The following IMMP2L variants were observed in gnomAD, a reference collection of about 807,000 sequenced individuals.
IMMP2L encodes inner mitochondrial membrane peptidase subunit 2.
Under a neutral mutation model 19.3 loss-of-function variants are expected in IMMP2L, and 18 were observed. The observed-to-expected ratio is 0.93, with a 90% CI of 0.64 to 1.38. The LOEUF is 1.38. Among genes scored for constraint, IMMP2L ranks in the 40% most tolerant of loss-of-function variants. The pLI, the probability that IMMP2L is intolerant of heterozygous loss-of-function variation, is 0.00. For synonymous variants in IMMP2L, 76 were observed against 73.0 expected (o/e 1.04, Z -0.21); for missense variants, 233 against 218.2 (o/e 1.07, Z -0.43).
At chr7:111,285,694 G>A (rs535165566) in intron 3 of IMMP2L, among the ~76,000 whole-genome samples, 58 of 152,242 alleles carry the variant, frequency 3.8e-4, no homozygotes, top group African/African-American at 1.3e-3. Flanking sequence ...GACTTCCACA[G>A]CATATGATAG....
intron 3 of IMMP2L, among the ~76,000 whole-genome samples, chr7:111,006,677 T>C (rs1824322750): frequency 6.6e-6 from 1 of 152,152 alleles, no homozygotes; most frequent in Admixed American, 6.6e-5. Context: ...GATCTCAGTA[T>C]CTGATTGTTT....
intron 5 of IMMP2L, among the ~76,000 whole-genome samples, chr7:110,883,531 A>C (rs942448945): frequency 2.0e-5 from 3 of 152,176 alleles, no homozygotes; most frequent in African/African-American, 4.8e-5. Flanking sequence ...GAGGCACTCT[A>C]TCATAAATAG....
chr7:111,442,042 C>G lies in IMMP2L; in HGVS notation c.239+45196G>C, dbSNP rs540108015. Reference sequence around the variant, plus strand: ...ATCCCAGCTTCTCAGGAGGCTGAGGCAAGAGAATCGCTTGAACCCAGGAAG... The same window carrying G: ...ATCCCAGCTTCTCAGGAGGCTGAGGGAAGAGAATCGCTTGAACCCAGGAAG... On this transcript the variant is annotated intron_variant, in intron 3 of 5. Transcript: ENST00000405709. Among the ~76,000 whole-genome samples, 36 of 151,684 alleles carry G rather than the reference C, an allele frequency of 2.4e-4. 3 individuals carry two copies. Among genetic ancestry groups the G allele is most frequent in the African/African-American group, 8.5e-4 (35 of 41,122 alleles).
At chr7:111,164,019 A>G (rs1805549715) in intron 3 of IMMP2L, among the ~76,000 whole-genome samples, 2 of 151,950 alleles carry the variant, frequency 1.3e-5, no homozygotes, top group South Asian at 4.2e-4. Context: ...AGCAGAACAT[A>G]ACATTTAGAG....
intron 5 of IMMP2L, chr7:110,724,437 G>C (rs541199322): frequency 2.6e-5 from 4 of 152,216 alleles, no homozygotes; most frequent in Non-Finnish European, 4.4e-5. Flanking sequence ...CTCCTATCAA[G>C]AAATTTTACT....
intron 3 of IMMP2L, among the ~76,000 whole-genome samples, chr7:111,187,590 T>C (rs1808410663): frequency 6.6e-6 from 1 of 152,142 alleles, no homozygotes; most frequent in African/African-American, 2.4e-5. Flanking sequence ...ACAAAGTATG[T>C]TCTTATTAAA....
At chr7:111,006,656 G>C (rs189754909) in intron 3 of IMMP2L, among the ~76,000 whole-genome samples, 1 of 152,112 alleles carries the variant, frequency 6.6e-6, no homozygotes, top group Non-Finnish European at 1.5e-5. Flanking sequence ...GCTGTTGCCA[G>C]TTGCTTCTAG....
At chr7:110,899,928 C>T (rs1267743894) in intron 4 of IMMP2L, among the ~76,000 whole-genome samples, 3 of 152,138 alleles carry the variant, frequency 2.0e-5, no homozygotes, top group Non-Finnish European at 4.4e-5. Flanking sequence ...AATTGGAGAA[C>T]AAAGTTCTCA....
At chr7:110,947,897 C>A (rs758006450) in intron 4 of IMMP2L, among the ~76,000 whole-genome samples, 2 of 152,124 alleles carry the variant, frequency 1.3e-5, no homozygotes, top group African/African-American at 2.4e-5. Context: ...AGTAGAAAAT[C>A]TCTTTGATTC....
intron 3 of IMMP2L, among the ~76,000 whole-genome samples, chr7:111,101,496 A>C (rs1236623743): frequency 6.6e-6 from 1 of 151,500 alleles, no homozygotes; most frequent in African/African-American, 2.4e-5. Flanking sequence ...GTTAAGATTC[A>C]AGTCTTTTTC....
intron 5 of IMMP2L, among the ~76,000 whole-genome samples, chr7:110,714,368 T>C (rs570888256): frequency 6.6e-6 from 1 of 152,322 alleles, no homozygotes; most frequent in Admixed American, 6.5e-5. Flanking sequence ...TAGATAAGCA[T>C]AGGCAATGAG....
intron 2 of IMMP2L, among the ~76,000 whole-genome samples, chr7:111,520,651 C>A (rs1355668777): frequency 2.0e-5 from 3 of 152,046 alleles, no homozygotes; most frequent in Non-Finnish European, 2.9e-5. Context: ...ATTGATAATA[C>A]AGGAAACCAA....
At chr7:110,886,844 T>C in intron 4 of IMMP2L, 149 bp from the exon 5 acceptor site, 1 of 500,990 alleles carries the variant, frequency 2.0e-6, no homozygotes. Flanking sequence ...TTAAGGAAGA[T>C]GTGGTTAGAG....
chr7:111,534,232 T>C (rs1014384537), intron 1 of IMMP2L, among the ~76,000 whole-genome samples: 19 of 152,118 alleles, frequency 1.2e-4, no homozygotes, highest in African/African-American at 4.6e-4. Flanking sequence ...AACATACCAT[T>C]TTTATTGCAG....
chr7:111,546,785 G>T (rs971799516), intron 1 of IMMP2L, among the ~76,000 whole-genome samples: 7 of 152,056 alleles, frequency 4.6e-5, no homozygotes, highest in African/African-American at 1.7e-4. Flanking sequence ...TTACAAATAA[G>T]TAAATCCAGT....
chr7:111,183,993 C>T lies in IMMP2L; in HGVS notation c.240-220428G>A, dbSNP rs11981588. 1.8e-3 allele frequency among the ~76,000 whole-genome samples: 279 copies of T among 152,050 alleles called. 4 individuals carry two copies. Among genetic ancestry groups the T allele is most frequent in the Non-Finnish European group, 2.1e-3 (143 of 67,990 alleles). Reference sequence around the variant, plus strand: ...CATTTATAAAATGGAAATAATAACACCTAGTTTGCACTGTCGTCACAATAA... The same window carrying T: ...CATTTATAAAATGGAAATAATAACATCTAGTTTGCACTGTCGTCACAATAA... On this transcript the variant is annotated intron_variant, in intron 3 of 5. Coordinates refer to ENST00000405709, the MANE Select transcript of IMMP2L (RefSeq NM_032549.4).
intron 5 of IMMP2L, among the ~76,000 whole-genome samples, chr7:110,715,917 A>T (rs1344113928): frequency 6.6e-6 from 1 of 152,126 alleles, no homozygotes; most frequent in African/African-American, 2.4e-5. Flanking sequence ...GTCTAGAAGT[A>T]GTTGTTTTAT....
chr7:111,410,244 T>C (rs1834280293), intron 3 of IMMP2L, among the ~76,000 whole-genome samples: 1 of 151,710 alleles, frequency 6.6e-6, no homozygotes, highest in South Asian at 2.1e-4. Context: ...AGAAAGCTCA[T>C]GCCTTAGTAG....
intron 3 of IMMP2L, among the ~76,000 whole-genome samples, chr7:111,468,816 C>T (rs1840933050): frequency 6.6e-6 from 1 of 151,966 alleles, no homozygotes; most frequent in Non-Finnish European, 1.5e-5. Flanking sequence ...TAACTGGATA[C>T]AGATGATAAG....
Sources: gnomAD v4.1 joint callset for allele counts (sites outside exome capture counted in the v4.1 genomes callset) on GRCh38, gnomAD v4.1.1 for gene constraint, MANE v1.5 for transcripts, NCBI Gene and HGNC (gene_info 2026-07-23, HGNC 2026-07-21) for gene names.